The following PCDHGA5 variants were observed in gnomAD, a reference collection of about 807,000 sequenced individuals.
PCDHGA5 encodes protocadherin gamma subfamily A, 5, also known as protocadherin gamma-A5.
In PCDHGA5, 36 loss-of-function variants were observed where a neutral mutation model predicts 56.7. That is an observed-to-expected ratio of 0.64 (90% CI 0.49 to 0.84). PCDHGA5 has a LOEUF of 0.84. PCDHGA5 is among the 40% of genes least tolerant of loss of function. PCDHGA5 has a pLI of 0.00. For missense variants in PCDHGA5, 1,305 were observed against 1,201.5 expected (o/e 1.09, Z -1.27); for synonymous variants, 563 against 520.2 (o/e 1.08, Z -1.12).
intron 1 of PCDHGA5, among the ~76,000 whole-genome samples, chr5:141,407,095 T>C (rs1242751445): frequency 6.6e-6 from 1 of 152,370 alleles, no homozygotes; most frequent in East Asian, 1.9e-4. Flanking sequence ...ATTGTTTTAT[T>C]TGTTTGTAAT....
At position 141,489,335 on chromosome 5, in the gene PCDHGA5, G is replaced by C. The variant is rs138015049; in HGVS notation, c.2422-5472G>C. 1.4e-5 allele frequency: 22 copies of C among 1,607,364 alleles called. No individual in the cohort carries two copies. Among genetic ancestry groups the C allele is most frequent in the Non-Finnish European group, 1.9e-5 (22 of 1,175,842 alleles). The stretch of plus-strand genomic sequence containing the variant: ...TGGGGCTGGGTGTCTGGGCAGCTTC[G>C]TTACTCAGTGGTGGAGGAGTCTGAG... On this transcript the variant is annotated intron_variant, in intron 1 of 3. Transcript: ENST00000518069. This position sits in a 1 kb window ranked among gnomAD's most constrained non-coding sequence, Gnocchi z 4.5.
chr5:141,423,969 C>G, intron 1 of PCDHGA5: 1 of 1,147,718 alleles, frequency 8.7e-7, no homozygotes, highest in Non-Finnish European at 1.1e-6. Flanking sequence ...TTTCTATTAT[C>G]AGTGTATGAG....
chr5:141,400,048 G>A (rs760963865), intron 1 of PCDHGA5: 3 of 1,613,664 alleles, frequency 1.9e-6, no homozygotes, highest in Non-Finnish European at 2.5e-6. Context: ...CCTGCTGGTT[G>A]CTGTGCGTGA....
rs549713754 is a variant in PCDHGA5 at position 141,365,181 on chromosome 5, A to C, written c.851A>C (p.Glu284Ala). The change falls in exon 1 of 4, where the codon GAA becomes GCA. Residue 284 changes from glutamate (E) to alanine (A), a missense_variant. Coordinates refer to ENST00000518069, the MANE Select transcript of PCDHGA5 (RefSeq NM_018918.3). ...AAATTGACCTACTCTTTTCGCAATG[A>C]AGAAGAAAAAATTTCGGAGACTTTC... Reference protein sequence around the residue: ...NGKLTYSFRNEEEKISETFQL... With the variant: ...NGKLTYSFRNAEEKISETFQL... 46 of 1,613,864 alleles carry C rather than the reference A, an allele frequency of 2.9e-5. No homozygotes were observed. In the South Asian group the frequency reaches 3.8e-4, roughly 13 times the overall value.
intron 1 of PCDHGA5, chr5:141,403,717 G>T: frequency 6.2e-7 from 1 of 1,613,936 alleles, no homozygotes; most frequent in Non-Finnish European, 8.5e-7. Flanking sequence ...TTGAGAACGT[G>T]CCCCCAGGCA....
chr5:141,510,613 C>T (rs559713771), intron 3 of PCDHGA5, among the ~76,000 whole-genome samples: 17 of 152,298 alleles, frequency 1.1e-4, no homozygotes, highest in Admixed American at 2.0e-4. Context: ...TTAGCATTCA[C>T]TAAAACCAGA....
At chr5:141,410,124 G>T in intron 1 of PCDHGA5, 1 of 1,612,726 alleles carries the variant, frequency 6.2e-7, no homozygotes, top group South Asian at 1.1e-5. Flanking sequence ...GCCCGCCAGC[G>T]CCTGCTGGTC....
chr5:141,421,403 A>G, intron 1 of PCDHGA5: 1 of 1,614,054 alleles, frequency 6.2e-7, no homozygotes, highest in Non-Finnish European at 8.5e-7. Context: ...GAGCCCCGGG[A>G]GCTGGCGAAG....
chr5:141,367,922 CAACTT>C (rs974333677), intron 1 of PCDHGA5: 11 of 152,168 alleles, frequency 7.2e-5, no homozygotes, highest in East Asian at 1.9e-4. Flanking sequence ...AAAAAGAACT[CAACTT>C]AAAGATGGTT....
chr5:141,395,547 TGTGTGTGTG>T (rs754815609), intron 1 of PCDHGA5: 25,854 of 174,180 alleles, frequency 0.15, 2,316 homozygotes, highest in South Asian at 0.18. Flanking sequence ...ATTGTTTGTG[TGTGTGTGTG>T]TGTGTGTGTG....
At chr5:141,421,979 G>A in intron 1 of PCDHGA5, 1 of 1,609,702 alleles carries the variant, frequency 6.2e-7, no homozygotes, top group Non-Finnish European at 8.5e-7. Context: ...TATCGCGTGA[G>A]TGTTCCAGAA....
chr5:141,398,125 G>C (rs1353004584), intron 1 of PCDHGA5: 1 of 1,586,808 alleles, frequency 6.3e-7, no homozygotes. Flanking sequence ...GAGAGCAAGA[G>C]GGATGGGGAG....
At chr5:141,403,039 T>A (rs989723883) in intron 1 of PCDHGA5, 64 of 1,614,050 alleles carry the variant, frequency 4.0e-5, no homozygotes, top group Non-Finnish European at 5.4e-5. Context: ...CCAGGGCCAG[T>A]CAGATTCGCT....
Position 141,422,492 on chromosome 5 carries a change from C to T in PCDHGA5, c.2421+55741C>T, listed in dbSNP as rs747903569. 2.5e-6 allele frequency: 4 copies of T among 1,613,934 alleles called. No homozygotes were observed. The East Asian group carries it at 6.7e-5, about 27-fold the overall frequency. ...GAGTTGGTCCAGAGCTACAATATAA[C>T]GTTGACAGCCACAGACCAGGGAAGC... On this transcript the variant is annotated intron_variant, in intron 1 of 3. Coordinates refer to ENST00000518069, the MANE Select transcript of PCDHGA5 (RefSeq NM_018918.3).
chr5:141,479,568 G>A (rs553213095), intron 1 of PCDHGA5: 2 of 152,346 alleles, frequency 1.3e-5, no homozygotes, highest in East Asian at 3.9e-4. Context: ...GTAGTGGGAT[G>A]ACATCTGTGA....
At chr5:141,474,998 T>C (rs1029967243) in intron 1 of PCDHGA5, among the ~76,000 whole-genome samples, 1 of 152,260 alleles carries the variant, frequency 6.6e-6, no homozygotes, top group Non-Finnish European at 1.5e-5. Context: ...CAATTCTAAA[T>C]GCAGAAAAGT....
rs538105673 is a variant in PCDHGA5, at chr5:141,427,796, C to T, written c.2421+61045C>T. On this transcript the variant is annotated intron_variant, in intron 1 of 3. Transcript: ENST00000518069. Reference sequence around the variant, plus strand: ...TGCGGGCACTGTCGTCCTACGTGTCCGTGAGCGCACAGAGCGGGGTGGTGG... The same window carrying T: ...TGCGGGCACTGTCGTCCTACGTGTCTGTGAGCGCACAGAGCGGGGTGGTGG... The T allele has an allele frequency of 3.6e-4, 547 of 1,502,104 alleles. 5 individuals carry two copies. In the South Asian group the frequency reaches 5.9e-3, roughly 16 times the overall value. The allele number at this position is 1,502,104 out of a possible 1,614,324, so 93.0% of individuals were successfully genotyped here.
intron 1 of PCDHGA5, chr5:141,400,044 G>T: frequency 1.2e-6 from 2 of 1,613,672 alleles, no homozygotes; most frequent in Non-Finnish European, 1.7e-6. Context: ...AGCGCCTGCT[G>T]GTTGCTGTGC....
At chr5:141,367,089 CT>C in intron 1 of PCDHGA5, 1 of 258,634 alleles carries the variant, frequency 3.9e-6, no homozygotes, top group East Asian at 1.0e-4. Context: ...ATATTGTTCT[CT>C]TTTGAGTGTC....
Sources: allele counts gnomAD v4.1 joint callset (sites outside exome capture counted in the v4.1 genomes callset), GRCh38; gene constraint gnomAD v4.1.1; non-coding constraint Gnocchi (gnomAD v3.1); transcripts MANE v1.5; gene names NCBI Gene and HGNC (gene_info 2026-07-23, HGNC 2026-07-21).